VGLL3: variants seen among roughly 807,000 people sequenced by gnomAD.
VGLL3 encodes the protein transcription cofactor vestigial-like protein 3.
Under a neutral mutation model 29.2 loss-of-function variants are expected in VGLL3, and 18 were observed. The observed-to-expected ratio is 0.62, with a 90% CI of 0.43 to 0.91. VGLL3 has a LOEUF of 0.91. Ranked by LOEUF, VGLL3 falls within the 40% of genes least tolerant of loss-of-function variation. VGLL3 has a pLI of 0.00. For missense variants in VGLL3, 440 were observed against 413.2 expected (o/e 1.06, Z -0.56); for synonymous variants, 180 against 151.8 (o/e 1.19, Z -1.36).
intron 1 of VGLL3, among the ~76,000 whole-genome samples, chr3:86,986,951 C>G (rs1705454543): frequency 6.6e-6 from 1 of 152,024 alleles, no homozygotes; most frequent in Non-Finnish European, 1.5e-5. Flanking sequence ...GCCAAAGAAT[C>G]TATTGCATAT....
At position 86,978,791 on chromosome 3, in the gene VGLL3, C is replaced by T. The variant is rs756253158; in HGVS notation, c.138G>A (p.Ala46=). ...GAGAGTCCTGCATCTTGCTGAATAC[C>T]GCTAACTTCTTCTGGGATGGAATAA... ...APQPGQQKKL[A]VFSKMQDSLE... Residue 46 remains alanine, a synonymous_variant, in exon 2 of 4, where the codon GCG becomes GCA. Coordinates refer to ENST00000398399, the MANE Select transcript of VGLL3 (RefSeq NM_016206.4). 89 of 1,605,112 alleles carry T rather than the reference C, an allele frequency of 5.5e-5. 1 individual carries two copies. The highest frequency in any genetic ancestry group is 1.7e-4 in the African/African-American group (13 of 74,674).
chr3:86,965,883 C>T (rs1704946951), intron 3 of VGLL3, among the ~76,000 whole-genome samples: 3 of 152,172 alleles, frequency 2.0e-5, no homozygotes, highest in Admixed American at 6.5e-5. Context: ...TCTCATTCTC[C>T]AAAGATGTTG....
intron 2 of VGLL3, among the ~76,000 whole-genome samples, chr3:86,971,274 G>A (rs534128197): frequency 1.8e-4 from 27 of 152,260 alleles, no homozygotes; most frequent in Non-Finnish European, 3.2e-4. Flanking sequence ...GCATTACTGT[G>A]GTGTGTGAAC....
Position 86,940,849 on chromosome 3 carries a change from CT to C in VGLL3, c.*6174del, listed in dbSNP as rs540749051. ...AAAGCCAAAAGTTTTATGAATTATA[CT>C]TTTTTTATTAGTTAAAAATGACAGC... On this transcript the variant is annotated 3_prime_UTR_variant, in exon 4 of 4. Transcript: ENST00000398399. 123 of 152,206 alleles carry C rather than the reference CT, an allele frequency of 8.1e-4. No individual in the cohort carries two copies. Among genetic ancestry groups the C allele is most frequent in the African/African-American group, 2.2e-3 (92 of 41,496 alleles). 9.4% of individuals were successfully genotyped at this position (152,206 alleles called of 1,614,324 possible).
At position 86,965,781 on chromosome 3, in the gene VGLL3, G is replaced by A. The variant is rs373273920; in HGVS notation, c.937+2809C>T. On this transcript the variant is annotated intron_variant, in intron 3 of 3. Coordinates refer to ENST00000398399, the MANE Select transcript of VGLL3 (RefSeq NM_016206.4). The stretch of plus-strand genomic sequence containing the variant: ...TAAAAGCCCAACCCCCTTGACCCCA[G>A]GCAGAACAGTTATGAAGAACCATCT... 4.4e-4 allele frequency among the ~76,000 whole-genome samples: 67 copies of A among 152,168 alleles called. 1 individual carries two copies. In the East Asian group the frequency reaches 6.0e-3, roughly 14 times the overall value.
intron 2 of VGLL3, among the ~76,000 whole-genome samples, chr3:86,974,089 A>T (rs1022568589): frequency 6.6e-6 from 1 of 151,886 alleles, no homozygotes; most frequent in African/African-American, 2.4e-5. Flanking sequence ...TTGTATGGAG[A>T]TAAGGGACCA....
intron 1 of VGLL3, among the ~76,000 whole-genome samples, chr3:86,985,396 A>G (rs950197410): frequency 5.9e-5 from 9 of 152,210 alleles, no homozygotes; most frequent in Admixed American, 1.3e-4. Flanking sequence ...TGGCATACTG[A>G]AATCATTTGG....
intron 2 of VGLL3, among the ~76,000 whole-genome samples, chr3:86,976,568 A>G (rs748142844): frequency 6.6e-6 from 1 of 152,244 alleles, no homozygotes; most frequent in Non-Finnish European, 1.5e-5. Context: ...CTTTAGTAGT[A>G]GTTATGAAAA....
At chr3:86,973,993 G>A (rs1260094799) in intron 2 of VGLL3, among the ~76,000 whole-genome samples, 1 of 152,096 alleles carries the variant, frequency 6.6e-6, no homozygotes, top group Admixed American at 6.6e-5. Flanking sequence ...TGAAACCAAT[G>A]TTTAGCGCTG....
intron 3 of VGLL3, among the ~76,000 whole-genome samples, chr3:86,966,774 T>C (rs952522122): frequency 1.2e-4 from 1 of 8,076 alleles, no homozygotes; most frequent in African/African-American, 5.9e-4. Context: ...TGTGTGTGTG[T>C]ATATATATAT....
intron 2 of VGLL3, among the ~76,000 whole-genome samples, chr3:86,970,865 A>T (rs934087652): frequency 6.6e-6 from 1 of 152,140 alleles, no homozygotes; most frequent in African/African-American, 2.4e-5. Context: ...ATATGGACCC[A>T]TTGATCTTTC....
intron 3 of VGLL3, among the ~76,000 whole-genome samples, chr3:86,953,558 C>T (rs963906941): frequency 3.9e-5 from 6 of 151,992 alleles, no homozygotes; most frequent in African/African-American, 1.2e-4. Flanking sequence ...ATTGTGGTGG[C>T]TAAATGTGTT....
chr3:86,954,902 C>CAAAAAAAAA (rs879461102), intron 3 of VGLL3, among the ~76,000 whole-genome samples: 1 of 128,142 alleles, frequency 7.8e-6, no homozygotes, highest in African/African-American at 3.1e-5. Flanking sequence ...GGAGCAAAAC[C>CAAAAAAAAA]AAAAAAAAAA....
chr3:86,973,119 C>T lies in VGLL3; in HGVS notation c.404-3996G>A, dbSNP rs925613679. On this transcript the variant is annotated intron_variant, in intron 2 of 3. Transcript: ENST00000398399. The stretch of plus-strand genomic sequence containing the variant: ...CTCCAAAAAAATTTTTTAAAATCTC[C>T]GAGTAAAAAATTTAAGAAAGATAAG... Among the ~76,000 whole-genome samples, 13 of 150,878 alleles carry T rather than the reference C, an allele frequency of 8.6e-5. No homozygotes were observed. In the Middle Eastern group the frequency reaches 0.01, roughly 121 times the overall value.
chr3:86,944,808 G>A lies in VGLL3; in HGVS notation c.*2216C>T, dbSNP rs1329189922. The A allele has an allele frequency of 6.6e-6, 1 of 152,190 alleles. No homozygotes were observed. The allele number at this position is 152,190 out of a possible 1,614,324, so 9.4% of individuals were successfully genotyped here. A position where few individuals can be genotyped will look rare whatever the true frequency, so the allele number is the denominator to read the frequency against. On this transcript the variant is annotated 3_prime_UTR_variant, in exon 4 of 4. Coordinates refer to ENST00000398399, the MANE Select transcript of VGLL3 (RefSeq NM_016206.4). ...CTTCATTGGGAAAATCCAACTGAAT[G>A]ATCTGAATGAGTTTAACACTACTTT...
intron 2 of VGLL3, among the ~76,000 whole-genome samples, chr3:86,976,529 A>G (rs1320061736): frequency 6.6e-6 from 1 of 152,244 alleles, no homozygotes; most frequent in Non-Finnish European, 1.5e-5. Context: ...ACATATTTGA[A>G]GATCAAATTT....
Position 86,947,013 on chromosome 3 carries a change from G to T in VGLL3, c.*11C>A, listed in dbSNP as rs146179430. The T allele has an allele frequency of 5.6e-4, 437 of 780,314 alleles. 2 individuals are homozygous for T. The African/African-American group carries it at 6.7e-3, about 12-fold the overall frequency. The allele number at this position is 780,314 out of a possible 1,614,324, so 48.3% of individuals were successfully genotyped here. The stretch of plus-strand genomic sequence containing the variant: ...TTTATGCTGCAACTTAACTCACTAA[G>T]ATTGTGTGTTTCAGTACCACGGTGA... On this transcript the variant is annotated 3_prime_UTR_variant, in exon 4 of 4. Coordinates refer to ENST00000398399, the MANE Select transcript of VGLL3 (RefSeq NM_016206.4).
intron 3 of VGLL3, among the ~76,000 whole-genome samples, chr3:86,952,949 C>G (rs1704645467): frequency 6.6e-6 from 1 of 151,926 alleles, no homozygotes; most frequent in Non-Finnish European, 1.5e-5. Context: ...TTGTCTGAGC[C>G]CTGAGGCAAT....
chr3:86,969,084 G>C lies in VGLL3; in HGVS notation c.443C>G (p.Thr148Ser). The C allele has an allele frequency of 6.2e-7, 1 of 1,609,264 alleles. No individual in the cohort carries two copies. The highest frequency in any genetic ancestry group is 8.5e-7 in the Non-Finnish European group (1 of 1,176,602). The change falls in exon 3 of 4, where the codon ACT (threonine) becomes AGT (serine). Residue 148 changes from threonine (T) to serine (S), a missense_variant. Thr to Ser is a moderately conservative substitution (Grantham distance 58). Coordinates refer to ENST00000398399, the MANE Select transcript of VGLL3 (RefSeq NM_016206.4). ...ALSSQRNSFP[T>S]SFWTSSYQPP... ...CTGGTAAGAGCTGGTCCAAAAGGAA[G>C]TTGGGAAACTATTCCGCTGGCTTGA...
Sources: allele counts gnomAD v4.1 joint callset (sites outside exome capture counted in the v4.1 genomes callset), GRCh38; gene constraint gnomAD v4.1.1; transcripts MANE v1.5; gene names NCBI Gene and HGNC (gene_info 2026-07-23, HGNC 2026-07-21).